THADA: variants seen among roughly 807,000 people sequenced by gnomAD.
THADA encodes tRNA (32-2'-O)-methyltransferase regulator THADA.
THADA carries 213 observed loss-of-function variants against 219.8 expected under a neutral mutation model. The observed-to-expected ratio is 0.97, with a 90% confidence interval of 0.87 to 1.09. THADA has a LOEUF of 1.09. Ranked by LOEUF, THADA falls within the 50% of genes least tolerant of loss-of-function variation. THADA has a pLI of 0.00. For synonymous variants in THADA, 1,018 were observed against 828.9 expected (o/e 1.23, Z -3.92); for missense variants, 2,956 against 2,311.3 (o/e 1.28, Z -5.72).
At chr2:43,343,197 TTTG>T (rs1667243744) in intron 30 of THADA, 1 of 152,074 alleles carries the variant, frequency 6.6e-6, no homozygotes, top group Admixed American at 6.6e-5. Context: ...CTGGCTAATT[TTTG>T]TTGTTGTCGT....
At chr2:43,329,559 T>C (rs1325805514) in intron 30 of THADA, among the ~76,000 whole-genome samples, 1 of 152,234 alleles carries the variant, frequency 6.6e-6, no homozygotes, top group Non-Finnish European at 1.5e-5. Flanking sequence ...AAAGTATTCT[T>C]ATTTTATCTT....
chr2:43,461,701 C>A (rs1490390245), intron 26 of THADA, among the ~76,000 whole-genome samples: 1 of 152,208 alleles, frequency 6.6e-6, no homozygotes, highest in Non-Finnish European at 1.5e-5. Context: ...CCTTGTGCAT[C>A]GTTTGGAGAG....
At chr2:43,239,090 T>C (rs937231859) in intron 36 of THADA, among the ~76,000 whole-genome samples, 6 of 152,226 alleles carry the variant, frequency 3.9e-5, no homozygotes, top group African/African-American at 1.2e-4. Context: ...CATGTGGTCA[T>C]TTGGAATCAT....
At chr2:43,505,585 A>C in intron 24 of THADA, 37 bp downstream of exon 24, 2 of 1,450,810 alleles carry the variant, frequency 1.4e-6, no homozygotes, top group South Asian at 2.5e-5. Flanking sequence ...ACAAAACAAA[A>C]AACAACACTG....
chr2:43,459,902 A>C (rs932343458), intron 26 of THADA, among the ~76,000 whole-genome samples: 1 of 152,206 alleles, frequency 6.6e-6, no homozygotes, highest in African/African-American at 2.4e-5. Context: ...TTTTATCAGT[A>C]GTTTTCAGAC....
At chr2:43,400,398 CAATGGTT>C (rs1674654657) in intron 28 of THADA, among the ~76,000 whole-genome samples, 1 of 147,020 alleles carries the variant, frequency 6.8e-6, no homozygotes, top group Non-Finnish European at 1.5e-5. Flanking sequence ...CATTATAAAG[CAATGGTT>C]AAATATTCTA....
intron 29 of THADA, among the ~76,000 whole-genome samples, chr2:43,359,932 C>CTT (rs981999906): frequency 7.0e-6 from 1 of 143,612 alleles, no homozygotes. Context: ...CTCCAACGGG[C>CTT]TTTTTTTTTT....
At chr2:43,452,538 G>T (rs561395614) in intron 26 of THADA, among the ~76,000 whole-genome samples, 1 of 151,928 alleles carries the variant, frequency 6.6e-6, no homozygotes, top group Non-Finnish European at 1.5e-5. Context: ...GCTGTGCCAG[G>T]CATCTTCTTA....
At position 43,374,204 on chromosome 2, in the gene THADA, C is replaced by G. The variant is rs370113330; in HGVS notation, c.4227+23767G>C. Reference sequence around the variant, plus strand: ...AGCCCAATCAAAAACATGTAATATTCTTGGGGAAAGCCCAAGAGAATCAAC... The same window carrying G: ...AGCCCAATCAAAAACATGTAATATTGTTGGGGAAAGCCCAAGAGAATCAAC... On this transcript the variant is annotated intron_variant, in intron 29 of 37. Transcript: ENST00000405975. Among the ~76,000 whole-genome samples, 11 of 152,306 alleles carry G rather than the reference C, an allele frequency of 7.2e-5. No individual in the cohort carries two copies. In the East Asian group the frequency reaches 1.3e-3, roughly 19 times the overall value.
At chr2:43,582,298 A>G (rs528018374) in intron 7 of THADA, among the ~76,000 whole-genome samples, 2 of 152,206 alleles carry the variant, frequency 1.3e-5, no homozygotes, top group Admixed American at 1.3e-4. Context: ...GGAGTTTGGG[A>G]CCAGCTTGGC....
chr2:43,541,237 T>C lies in THADA; in HGVS notation c.3186A>G (p.Leu1062=), dbSNP rs775032655. The C allele has an allele frequency of 6.2e-7, 1 of 1,612,066 alleles. No individual in the cohort carries two copies. The highest frequency in any genetic ancestry group is 1.1e-5 in the South Asian group (1 of 90,504). Residue 1062 remains leucine (L), a synonymous_variant, in exon 21 of 38, where the codon TTA becomes TTG. Transcript: ENST00000405975. Reference sequence around the variant, plus strand: ...GAAGCTGGCACAACATGCCTAAAAGTAAAGCAACTTCCTTCATACTTCTCC... The same window carrying C: ...GAAGCTGGCACAACATGCCTAAAAGCAAAGCAACTTCCTTCATACTTCTCC... ...CCWRSMKEVA[L]LLGMLCQLLP...
At chr2:43,277,649 G>A (rs1049555852) in intron 36 of THADA, among the ~76,000 whole-genome samples, 3 of 152,158 alleles carry the variant, frequency 2.0e-5, no homozygotes, top group South Asian at 2.1e-4. Context: ...TTCTTTCTTC[G>A]AGGAAAACTG....
At chr2:43,336,371 A>T (rs180729357) in intron 30 of THADA, among the ~76,000 whole-genome samples, 254 of 152,158 alleles carry the variant, frequency 1.7e-3, no homozygotes, top group Non-Finnish European at 2.2e-3. Context: ...TCCCAGGTTC[A>T]AGTGATTCTC....
intron 30 of THADA, among the ~76,000 whole-genome samples, chr2:43,336,878 G>A (rs967962492): frequency 2.6e-5 from 4 of 152,176 alleles, no homozygotes; most frequent in African/African-American, 9.7e-5. Context: ...GCGGCTGGGC[G>A]GGGGCCGTGC....
intron 26 of THADA, among the ~76,000 whole-genome samples, chr2:43,460,408 A>G (rs946232224): frequency 2.6e-5 from 4 of 152,172 alleles, no homozygotes; most frequent in African/African-American, 9.6e-5. Flanking sequence ...AAAGATTTGG[A>G]AAATACATTT....
At chr2:43,593,585 A>C (rs376363512) in intron 1 of THADA, among the ~76,000 whole-genome samples, 11 of 151,424 alleles carry the variant, frequency 7.3e-5, no homozygotes, top group East Asian at 1.9e-4. Context: ...CAGCTGCTAG[A>C]CTGTTTTGGA....
intron 8 of THADA, among the ~76,000 whole-genome samples, chr2:43,580,275 G>A (rs970814610): frequency 5.3e-5 from 8 of 151,664 alleles, no homozygotes; most frequent in Admixed American, 1.3e-4. Flanking sequence ...TCCTGACCTC[G>A]TGATCTGCCC....
chr2:43,465,780 C>T (rs192622233), intron 26 of THADA, among the ~76,000 whole-genome samples: 1 of 152,266 alleles, frequency 6.6e-6, no homozygotes, highest in Admixed American at 6.5e-5. Flanking sequence ...ATGCTCCAGA[C>T]CCTACATATC....
rs1024788215 is a variant in THADA, at chr2:43,508,548, C to T, written c.3507+100G>A. ...ATGGTGCTGAAAAGACAGAAATGTCCTTTATGTGTAATACGCTCACTCACA... is the reference window on the plus strand; with the variant it reads ...ATGGTGCTGAAAAGACAGAAATGTCTTTTATGTGTAATACGCTCACTCACA... On this transcript the variant is annotated intron_variant, in intron 23 of 37. Coordinates refer to ENST00000405975, the MANE Select transcript of THADA (RefSeq NM_022065.5). 100 of 1,175,794 alleles carry T rather than the reference C, an allele frequency of 8.5e-5. No homozygotes were observed. In the African/African-American group the frequency reaches 1.4e-3, roughly 17 times the overall value. 72.8% of individuals were successfully genotyped at this position (1,175,794 alleles called of 1,614,324 possible). A position where few individuals can be genotyped will look rare whatever the true frequency, so the allele number is the denominator to read the frequency against.
Sources: gnomAD v4.1 joint callset for allele counts (sites outside exome capture counted in the v4.1 genomes callset) on GRCh38, gnomAD v4.1.1 for gene constraint, MANE v1.5 for transcripts, NCBI Gene and HGNC (gene_info 2026-07-23, HGNC 2026-07-21) for gene names.